Variants in NRXN3 observed in about 807,000 individuals in gnomAD.
NRXN3 encodes the protein neurexin III.
In NRXN3, 32 loss-of-function variants were observed where a neutral mutation model predicts 137.6. That is an observed-to-expected ratio of 0.23 (90% CI 0.18 to 0.31). The LOEUF is 0.31. Among genes scored for constraint, NRXN3 ranks in the 10% least tolerant of loss-of-function variants. The pLI is 1.00. For synonymous variants in NRXN3, 798 were observed against 784.5 expected, an observed-to-expected ratio of 1.02 and a Z score of -0.29; for missense variants, 1,574 against 2,062.5, an observed-to-expected ratio of 0.76 and a Z score of 4.59.
At chr14:79,655,262 G>A (rs1019061334) in intron 16 of NRXN3, among the ~76,000 whole-genome samples, 1 of 152,166 alleles carries the variant, frequency 6.6e-6, no homozygotes, top group Non-Finnish European at 1.5e-5. Context: ...GGAGAAAATG[G>A]CATAGGACAT....
chr14:78,644,974 A>T (rs1317148948), intron 4 of NRXN3, 146 bp from the exon 5 acceptor site: 3 of 653,290 alleles, frequency 4.6e-6, no homozygotes, highest in African/African-American at 3.6e-5. Context: ...TCGATATAGG[A>T]CTTGCAGAAG....
At chr14:79,820,505 A>T (rs528166499) in intron 20 of NRXN3, among the ~76,000 whole-genome samples, 38 of 152,264 alleles carry the variant, frequency 2.5e-4, no homozygotes, top group African/African-American at 8.7e-4. Context: ...TTCCTTAAGA[A>T]GTTTTTGTTT....
intron 15 of NRXN3, among the ~76,000 whole-genome samples, chr14:79,277,278 G>A (rs1428030077): frequency 6.6e-6 from 1 of 152,158 alleles, no homozygotes; most frequent in Non-Finnish European, 1.5e-5. Context: ...GGGAACTAGA[G>A]AGTAGGGAGG....
intron 8 of NRXN3, among the ~76,000 whole-genome samples, chr14:78,774,204 C>G (rs201329705): frequency 9.2e-5 from 14 of 152,120 alleles, no homozygotes; most frequent in East Asian, 5.8e-4. Context: ...CCAGAAGACT[C>G]AACAGTCACA....
chr14:79,527,898 A>G (rs112476765), intron 16 of NRXN3, among the ~76,000 whole-genome samples: 4,454 of 141,748 alleles, frequency 0.031, 152 homozygotes, highest in East Asian at 0.12. Context: ...AAAGAAAGAA[A>G]AAAGTAATGG....
intron 14 of NRXN3, among the ~76,000 whole-genome samples, chr14:78,971,848 C>G (rs1296586781): frequency 6.6e-6 from 1 of 152,090 alleles, no homozygotes; most frequent in Non-Finnish European, 1.5e-5. Flanking sequence ...GTTGGCCAGG[C>G]TGGTCTCGAC....
At chr14:78,265,183 G>A (rs559392602) in intron 2 of NRXN3, among the ~76,000 whole-genome samples, 12 of 152,190 alleles carry the variant, frequency 7.9e-5, no homozygotes, top group Admixed American at 3.3e-4. Context: ...GAAGTTGTAG[G>A]TCAGGGGCAG....
intron 3 of NRXN3, among the ~76,000 whole-genome samples, chr14:78,295,275 T>C (rs1413995676): frequency 6.6e-6 from 1 of 152,254 alleles, no homozygotes; most frequent in African/African-American, 2.4e-5. Flanking sequence ...TTTTGCTTTA[T>C]TGGCTATAAA....
At chr14:79,359,944 G>T (rs757396646) in intron 15 of NRXN3, among the ~76,000 whole-genome samples, 1 of 152,238 alleles carries the variant, frequency 6.6e-6, no homozygotes, top group African/African-American at 2.4e-5. Flanking sequence ...GAACAGATAC[G>T]CATTGAAAGA....
At chr14:79,818,620 C>T (rs753489044) in intron 20 of NRXN3, among the ~76,000 whole-genome samples, 1 of 152,178 alleles carries the variant, frequency 6.6e-6, no homozygotes, top group Non-Finnish European at 1.5e-5. Flanking sequence ...CTGACACCCA[C>T]ATGCTCTTGA....
At chr14:79,659,103 T>C (rs1427734292) in intron 16 of NRXN3, among the ~76,000 whole-genome samples, 6 of 152,090 alleles carry the variant, frequency 3.9e-5, no homozygotes, top group South Asian at 2.1e-4. Context: ...CTGGACTAAT[T>C]TGGGGAGCCA....
chr14:79,157,179 C>A (rs2060327430), intron 15 of NRXN3, among the ~76,000 whole-genome samples: 1 of 151,720 alleles, frequency 6.6e-6, no homozygotes, highest in African/African-American at 2.4e-5. Context: ...CCCTTTGGGT[C>A]TTAATAAAAC....
At chr14:78,856,709 G>A (rs1244620520) in intron 10 of NRXN3, among the ~76,000 whole-genome samples, 1 of 152,010 alleles carries the variant, frequency 6.6e-6, no homozygotes, top group Non-Finnish European at 1.5e-5. Flanking sequence ...CTTTAAAGGT[G>A]ATGCTCAACT....
chr14:79,010,140 A>G (rs1166438882), intron 15 of NRXN3, among the ~76,000 whole-genome samples: 2 of 152,170 alleles, frequency 1.3e-5, no homozygotes, highest in African/African-American at 4.8e-5. Context: ...ATTTAGCTGG[A>G]TCCATTTAAA....
At chr14:79,442,355 T>C (rs974388148) in intron 15 of NRXN3, among the ~76,000 whole-genome samples, 2 of 152,188 alleles carry the variant, frequency 1.3e-5, no homozygotes, top group African/African-American at 4.8e-5. Flanking sequence ...GTAATGTTCA[T>C]GGGGAGTTTG....
chr14:78,381,191 T>C (rs1200964103), intron 4 of NRXN3, among the ~76,000 whole-genome samples: 1 of 152,202 alleles, frequency 6.6e-6, no homozygotes, highest in Non-Finnish European at 1.5e-5. Flanking sequence ...GTAAAAACTT[T>C]TTGAAAAACA....
intron 16 of NRXN3, among the ~76,000 whole-genome samples, chr14:79,482,499 A>C (rs895675014): frequency 6.6e-6 from 1 of 152,214 alleles, no homozygotes; most frequent in African/African-American, 2.4e-5. Flanking sequence ...GTTTGTTTTC[A>C]ACACCAAAAG....
At chr14:78,395,872 A>G (rs75611504) in intron 4 of NRXN3, among the ~76,000 whole-genome samples, 4,879 of 151,930 alleles carry the variant, frequency 0.032, 262 homozygotes, top group East Asian at 0.28. Context: ...TCCTGTCTGT[A>G]TCACTCTATT....
Position 79,565,673 on chromosome 14 carries a change from T to C in NRXN3, c.3445-98105T>C, listed in dbSNP as rs150495960. On this transcript the variant is annotated intron_variant, in intron 16 of 20. Coordinates refer to ENST00000335750, the MANE Select transcript of NRXN3 (RefSeq NM_001330195.2). Reference sequence around the variant, plus strand: ...ACCTATTTGGTTGAATTTTACAAAATGGAAGGATGAATAATACCTCAAAGG... The same window carrying C: ...ACCTATTTGGTTGAATTTTACAAAACGGAAGGATGAATAATACCTCAAAGG... Among the ~76,000 whole-genome samples, 697 of 152,014 alleles carry C rather than the reference T, an allele frequency of 4.6e-3. 6 individuals carry two copies. Among genetic ancestry groups the C allele is most frequent in the African/African-American group, 0.016 (667 of 41,470 alleles).
Sources: allele counts gnomAD v4.1 joint callset (sites outside exome capture counted in the v4.1 genomes callset), GRCh38; gene constraint gnomAD v4.1.1; transcripts MANE v1.5; gene names NCBI Gene and HGNC (gene_info 2026-07-23, HGNC 2026-07-21).